ITPR2: variants seen among roughly 807,000 people sequenced by gnomAD.
The protein encoded by ITPR2 is inositol 1,4,5-trisphosphate receptor type 2.
ITPR2 carries 207 observed loss-of-function variants against 317.1 expected under a neutral mutation model. The ratio of observed to expected loss-of-function variants is 0.65; its 90% CI spans 0.58 to 0.73. The LOEUF is 0.73. Ranked by LOEUF, ITPR2 falls within the 30% of genes least tolerant of loss-of-function variation. The pLI is 0.00. For synonymous variants in ITPR2, 1,156 were observed against 1,149.1 expected (o/e 1.01, Z -0.12); for missense variants, 2,613 against 3,284.0 (o/e 0.80, Z 4.99).
chr12:26,688,456 T>C (rs750372599), intron 10 of ITPR2, among the ~76,000 whole-genome samples: 7 of 151,392 alleles, frequency 4.6e-5, no homozygotes, highest in Non-Finnish European at 8.8e-5. Context: ...ATAATTTCCA[T>C]TGAGCAAAGA....
intron 32 of ITPR2, among the ~76,000 whole-genome samples, chr12:26,594,866 T>C (rs910825936): frequency 6.6e-6 from 1 of 152,192 alleles, no homozygotes; most frequent in Non-Finnish European, 1.5e-5. Context: ...TGTCAGGCAG[T>C]ATCTAGAAAA....
chr12:26,389,533 T>C (rs1486889597), intron 54 of ITPR2, among the ~76,000 whole-genome samples: 1 of 152,032 alleles, frequency 6.6e-6, no homozygotes, highest in Admixed American at 6.6e-5. Context: ...TTCAGGACCT[T>C]TGGAACGGTT....
chr12:26,442,861 T>C (rs935576019), intron 46 of ITPR2, among the ~76,000 whole-genome samples: 1 of 152,194 alleles, frequency 6.6e-6, no homozygotes, highest in Admixed American at 6.6e-5. Context: ...AAATGTAAAT[T>C]ATAGGAGTGA....
intron 37 of ITPR2, among the ~76,000 whole-genome samples, chr12:26,526,985 A>G (rs751229357): frequency 6.6e-6 from 1 of 152,190 alleles, no homozygotes; most frequent in African/African-American, 2.4e-5. Context: ...GCCTGGCTCA[A>G]TTTCTACCTT....
chr12:26,507,855 C>CTGTGTGTG (rs766901558), intron 37 of ITPR2, among the ~76,000 whole-genome samples: 11 of 142,294 alleles, frequency 7.7e-5, no homozygotes, highest in African/African-American at 2.7e-4. Flanking sequence ...ACTCTTCTCT[C>CTGTGTGTG]TCTGTCTCTG....
chr12:26,711,545 A>G (rs1033540070), intron 8 of ITPR2, among the ~76,000 whole-genome samples: 1 of 152,158 alleles, frequency 6.6e-6, no homozygotes, highest in Non-Finnish European at 1.5e-5. Flanking sequence ...CAAAGTGGAA[A>G]TACTGAGATT....
At chr12:26,602,909 A>G (rs1186105570) in intron 26 of ITPR2, among the ~76,000 whole-genome samples, 2 of 152,220 alleles carry the variant, frequency 1.3e-5, no homozygotes, top group Non-Finnish European at 2.9e-5. Context: ...ACCCAGTGAG[A>G]ACCCAATGAC....
At chr12:26,749,533 T>C (rs1475995810) in intron 2 of ITPR2, among the ~76,000 whole-genome samples, 1 of 152,188 alleles carries the variant, frequency 6.6e-6, no homozygotes, top group Non-Finnish European at 1.5e-5. Flanking sequence ...TTTTCGAGTA[T>C]TGTGTCAGGG....
chr12:26,828,563 A>T (rs1311337292), intron 1 of ITPR2, among the ~76,000 whole-genome samples: 1 of 152,218 alleles, frequency 6.6e-6, no homozygotes, highest in African/African-American at 2.4e-5. Context: ...AATCAGTCTG[A>T]CTTCTCAGGA....
intron 45 of ITPR2, among the ~76,000 whole-genome samples, chr12:26,449,233 C>A (rs956856144): frequency 2.0e-5 from 3 of 152,036 alleles, no homozygotes; most frequent in African/African-American, 4.8e-5. Flanking sequence ...AGCCTGAAGT[C>A]AGAATAACTG....
chr12:26,813,293 C>T (rs1358869009), intron 1 of ITPR2, among the ~76,000 whole-genome samples: 2 of 152,078 alleles, frequency 1.3e-5, no homozygotes, highest in Non-Finnish European at 2.9e-5. Context: ...TAACACCTTG[C>T]TTTGTGTTCA....
intron 55 of ITPR2, among the ~76,000 whole-genome samples, chr12:26,355,887 G>A (rs1371829672): frequency 6.6e-6 from 1 of 152,194 alleles, no homozygotes; most frequent in Admixed American, 6.5e-5. Context: ...AAAGTTGGAT[G>A]AAGGTGATGT....
chr12:26,651,544 G>C (rs1947254729), intron 21 of ITPR2, among the ~76,000 whole-genome samples: 1 of 152,028 alleles, frequency 6.6e-6, no homozygotes, highest in African/African-American at 2.4e-5. Flanking sequence ...GTTTTCCATA[G>C]TCCACTGTGC....
chr12:26,522,707 T>C (rs1199877211), intron 37 of ITPR2, among the ~76,000 whole-genome samples: 3 of 152,194 alleles, frequency 2.0e-5, no homozygotes, highest in African/African-American at 2.4e-5. Context: ...AATTGAAAAA[T>C]TGTTAAATTC....
Position 26,336,982 on chromosome 12 carries a change from T to TTTG in ITPR2, c.*2414_*2415insCAA, listed in dbSNP as rs945425689. 9 of 150,312 alleles carry TTTG rather than the reference T, an allele frequency of 6.0e-5. No individual in the cohort carries two copies. The highest frequency in any genetic ancestry group is 4.2e-4 in the South Asian group (2 of 4,790). The allele number at this position is 150,312 out of a possible 1,614,324, so 9.3% of individuals were successfully genotyped here. A position where few individuals can be genotyped will look rare whatever the true frequency, so the allele number is the denominator to read the frequency against. On this transcript the variant is annotated 3_prime_UTR_variant, in exon 57 of 57. Coordinates refer to ENST00000381340, the MANE Select transcript of ITPR2 (RefSeq NM_002223.4). ...GTCTGCTTCGATTTTTTGTTGCTGTTTTTTTTTTTTTTGCTTTATAATTTC... is the reference window on the plus strand; with the variant it reads ...GTCTGCTTCGATTTTTTGTTGCTGTTTTGTTTTTTTTTTTTGCTTTATAATTTC...
chr12:26,829,624 T>C (rs1419256659), intron 1 of ITPR2, among the ~76,000 whole-genome samples: 1 of 152,192 alleles, frequency 6.6e-6, no homozygotes, highest in African/African-American at 2.4e-5. Context: ...CCAGGACCCA[T>C]TTAAGTCCTA....
intron 55 of ITPR2, among the ~76,000 whole-genome samples, chr12:26,345,691 C>T (rs1489914821): frequency 6.6e-6 from 1 of 152,208 alleles, no homozygotes; most frequent in African/African-American, 2.4e-5. Flanking sequence ...ATTAAATACT[C>T]AGAGGTTTCT....
intron 28 of ITPR2, among the ~76,000 whole-genome samples, chr12:26,600,866 ATC>A (rs1193056821): frequency 6.6e-6 from 1 of 150,650 alleles, no homozygotes; most frequent in African/African-American, 2.4e-5. Context: ...CCTCTCTCCA[ATC>A]TCTCTGTCCC....
intron 20 of ITPR2, among the ~76,000 whole-genome samples, chr12:26,655,303 C>A (rs563712182): frequency 6.6e-6 from 1 of 152,182 alleles, no homozygotes; most frequent in Admixed American, 6.5e-5. Context: ...CATCAAAGCA[C>A]CAAATCTATC....
Sources: allele counts gnomAD v4.1 joint callset (sites outside exome capture counted in the v4.1 genomes callset), GRCh38; gene constraint gnomAD v4.1.1; transcripts MANE v1.5; gene names NCBI Gene and HGNC (gene_info 2026-07-23, HGNC 2026-07-21).